Variants in WNT7B observed in about 807,000 individuals in gnomAD.
The protein encoded by WNT7B is protein Wnt-7b.
A neutral mutation model predicts 38.2 loss-of-function variants in WNT7B; 19 were observed. The observed-to-expected ratio is 0.50, with a 90% CI of 0.35 to 0.73. The LOEUF (loss-of-function observed/expected upper bound fraction) is 0.73, where lower values mean the gene tolerates loss of function less well. WNT7B is among the 30% of genes least tolerant of loss of function. The pLI, the probability that WNT7B is intolerant of heterozygous loss-of-function variation, is 0.01. For synonymous variants in WNT7B, 243 were observed against 209.3 expected (o/e 1.16, Z -1.39); for missense variants, 423 against 507.9 (o/e 0.83, Z 1.61).
chr22:45,971,825 C>T (rs1267944502), intron 1 of WNT7B, among the ~76,000 whole-genome samples: 1 of 152,210 alleles, frequency 6.6e-6, no homozygotes, highest in African/African-American at 2.4e-5. Flanking sequence ...TGCTGGGACG[C>T]GCAGGGAATC....
At chr22:45,941,056 G>C (rs1355608669) in intron 2 of WNT7B, among the ~76,000 whole-genome samples, 1 of 152,142 alleles carries the variant, frequency 6.6e-6, no homozygotes, top group Non-Finnish European at 1.5e-5. Flanking sequence ...CATTGAAAGG[G>C]ACCCTCCACC....
At chr22:45,957,282 A>C (rs563993221) in intron 1 of WNT7B, among the ~76,000 whole-genome samples, 1 of 152,142 alleles carries the variant, frequency 6.6e-6, no homozygotes, top group African/African-American at 2.4e-5. Context: ...TGTGCTTTAC[A>C]TAAGTTATAT....
In WNT7B at chr22:45,977,033, G is replaced by C. The variant is rs1189249076; in HGVS notation, c.-279C>G. 8 of 984,766 alleles carry C rather than the reference G, an allele frequency of 8.1e-6. No individual in the cohort carries two copies. The East Asian group carries it at 9.1e-4, about 112-fold the overall frequency. The allele number at this position is 984,766 out of a possible 1,614,324, so 61.0% of individuals were successfully genotyped here. A position where few individuals can be genotyped will look rare whatever the true frequency, so the allele number is the denominator to read the frequency against. Reference sequence around the variant, plus strand: ...CGACCGTGGACCCCTGCAAGCGCGGGCCGGGGGCCCGGGCGCGGCTGGCGG... The same window carrying C: ...CGACCGTGGACCCCTGCAAGCGCGGCCCGGGGGCCCGGGCGCGGCTGGCGG... On this transcript the variant is annotated 5_prime_UTR_variant, in exon 1 of 4. Coordinates refer to ENST00000339464, the MANE Select transcript of WNT7B (RefSeq NM_058238.3).
chr22:45,939,435 C>T (rs1167264049), intron 2 of WNT7B, among the ~76,000 whole-genome samples: 13 of 152,174 alleles, frequency 8.5e-5, no homozygotes, highest in East Asian at 3.8e-4. Flanking sequence ...TCTATCCATA[C>T]GGCAGAATAT....
chr22:45,927,500 T>C, intron 3 of WNT7B: 1 of 1,548,608 alleles, frequency 6.5e-7, no homozygotes, highest in Non-Finnish European at 8.7e-7. Flanking sequence ...GTGACTTTAT[T>C]TGGAAGTAGG....
chr22:45,928,925 T>G (rs1931191768), intron 3 of WNT7B, among the ~76,000 whole-genome samples: 1 of 152,106 alleles, frequency 6.6e-6, no homozygotes, highest in Admixed American at 6.5e-5. Flanking sequence ...CTGCCTGGAG[T>G]GCTCTTGCCC....
intron 1 of WNT7B, among the ~76,000 whole-genome samples, chr22:45,973,576 C>T (rs976467322): frequency 1.3e-5 from 2 of 152,226 alleles, no homozygotes; most frequent in Non-Finnish European, 2.9e-5. Context: ...ACTGCAGCGA[C>T]TCCAGTTCCA....
chr22:45,929,902 ATCTACCCATC>A (rs1463117110), intron 3 of WNT7B, among the ~76,000 whole-genome samples: 55 of 122,652 alleles, frequency 4.5e-4, no homozygotes, highest in African/African-American at 1.7e-3. Context: ...CCACTCATCT[ATCTACCCATC>A]CATCTATCCT....
chr22:45,976,670 C>T lies in WNT7B; in HGVS notation c.71+14G>A, dbSNP rs1005115831. ...TTGGCCCCTGGCTGCTGCCCTCGCC[C>T]ACGGGGTACTCACCCGAGCTTCACG... On this transcript the variant is annotated intron_variant, in intron 1 of 3. Coordinates refer to ENST00000339464, the MANE Select transcript of WNT7B (RefSeq NM_058238.3). The surrounding 1 kb of genome is among the most constrained non-coding windows in gnomAD (Gnocchi z 8.5). 6.2e-7 allele frequency: 1 copy of T among 1,605,620 alleles called. No individual in the cohort carries two copies. The highest frequency in any genetic ancestry group is 1.1e-5 in the South Asian group (1 of 90,360).
chr22:45,954,822 A>G (rs1932023074), intron 1 of WNT7B: 1 of 908,814 alleles, frequency 1.1e-6, no homozygotes, highest in Non-Finnish European at 1.3e-6. Flanking sequence ...GGCCGTTGGG[A>G]CCTCAGACCT....
chr22:45,958,994 G>A (rs1000727581), intron 1 of WNT7B, among the ~76,000 whole-genome samples: 11 of 152,180 alleles, frequency 7.2e-5, no homozygotes, highest in African/African-American at 1.4e-4. Flanking sequence ...GAACAGGTCC[G>A]AGCCCCCATA....
At chr22:45,955,216 C>T (rs1569121200) in intron 1 of WNT7B, among the ~76,000 whole-genome samples, 1 of 152,368 alleles carries the variant, frequency 6.6e-6, no homozygotes, top group East Asian at 1.9e-4. Flanking sequence ...CCTCCCCGAG[C>T]CGGCCTGGCC....
rs564011380 is a variant in WNT7B at position 45,926,285 on chromosome 22, C to G, written c.571-2950G>C. On this transcript the variant is annotated intron_variant, in intron 3 of 3. Transcript: ENST00000339464. ...ACCGGCCCCCTGCCCCAAGAGACCA[C>G]CTGGCAGGGCACAGAGTGAGCTCAT... is the stretch of plus-strand genomic sequence containing the variant. 1.2e-4 allele frequency: 118 copies of G among 985,414 alleles called. No individual in the cohort carries two copies. In the African/African-American group the frequency reaches 1.7e-3, roughly 15 times the overall value. 61.0% of individuals were successfully genotyped at this position (985,414 alleles called of 1,614,324 possible). A position where few individuals can be genotyped will look rare whatever the true frequency, so the allele number is the denominator to read the frequency against.
rs1679729193 is a variant in WNT7B at position 45,975,334 on chromosome 22, GC to G, written c.71+1349del. ...GAGCAGCCTGCCCACTCCACCCCCCGCCCAGCAGGCTCAATGCCCCGCACCC... is the reference window on the plus strand; with the variant it reads ...GAGCAGCCTGCCCACTCCACCCCCCGCCAGCAGGCTCAATGCCCCGCACCC... On this transcript the variant is annotated intron_variant, in intron 1 of 3. Transcript: ENST00000339464. The surrounding 1 kb of genome is among the most constrained non-coding windows in gnomAD (Gnocchi z 6.6). Among the ~76,000 whole-genome samples the G allele has an allele frequency of 6.6e-6, 1 of 151,960 alleles. No individual in the cohort carries two copies. The highest frequency in any genetic ancestry group is 1.5e-5 in the Non-Finnish European group (1 of 67,954).
At chr22:45,969,740 A>G (rs1601743345) in intron 1 of WNT7B, among the ~76,000 whole-genome samples, 2 of 152,346 alleles carry the variant, frequency 1.3e-5, no homozygotes, top group East Asian at 3.9e-4. Flanking sequence ...AGTCCAGATG[A>G]AAGGGGGAGG....
rs748054503 is a variant in WNT7B at position 45,950,017 on chromosome 22, C to T, written c.201G>A (p.Gln67=). The T allele has an allele frequency of 3.0e-5, 49 of 1,614,030 alleles. No individual in the cohort carries two copies. In the East Asian group the frequency reaches 1.0e-3, roughly 34 times the overall value. The part of the protein sequence containing the change: ...DAIIVIGEGA[Q]MGINECQYQF... ...GGTACTGGCACTCGTTGATGCCCAT[C>T]TGCGCCCCCTCCCCAATCACAATGA... The change falls in exon 2 of 4, where the codon CAG becomes CAA. Residue 67 remains glutamine, a synonymous_variant. Coordinates refer to ENST00000339464, the MANE Select transcript of WNT7B (RefSeq NM_058238.3).
Position 45,975,740 on chromosome 22 carries a change from C to T in WNT7B, c.71+944G>A, listed in dbSNP as rs370124580. 7.4e-6 allele frequency: 3 copies of T among 405,090 alleles called. No homozygotes were observed. The highest frequency in any genetic ancestry group is 3.8e-5 in the East Asian group (1 of 26,578). 25.1% of individuals were successfully genotyped at this position (405,090 alleles called of 1,614,324 possible). A position where few individuals can be genotyped will look rare whatever the true frequency, so the allele number is the denominator to read the frequency against. On this transcript the variant is annotated intron_variant, in intron 1 of 3. Transcript: ENST00000339464. This position sits in a 1 kb window ranked among gnomAD's most constrained non-coding sequence, Gnocchi z 6.6. ...GGGGCAGCCGGCGGCGCACAGTAGG[C>T]GCGCAGGGCGCGGCGGGGCCCGGGT...
intron 3 of WNT7B, chr22:45,925,581 T>TCTCCCATCCTGTCCATCACCCCAG: frequency 6.1e-6 from 6 of 985,030 alleles, no homozygotes; most frequent in Non-Finnish European, 7.2e-6. Context: ...CTCCTGTCCC[T>TCTCCCATCCTGTCCATCACCCCAG]CTCCCATCCT....
chr22:45,964,181 C>T lies in WNT7B; in HGVS notation c.71+12503G>A, dbSNP rs1042196588. On this transcript the variant is annotated intron_variant, in intron 1 of 3. Coordinates refer to ENST00000339464, the MANE Select transcript of WNT7B (RefSeq NM_058238.3). ...CTGCAGACATGGAGTGACTGCAGCC[C>T]GGAGCCACTGACTCCCTATCCGGTG... Among the ~76,000 whole-genome samples, 9 of 152,138 alleles carry T rather than the reference C, an allele frequency of 5.9e-5. No homozygotes were observed. The East Asian group carries it at 7.8e-4, about 13-fold the overall frequency.
Sources: allele counts gnomAD v4.1 joint callset (sites outside exome capture counted in the v4.1 genomes callset), GRCh38; gene constraint gnomAD v4.1.1; non-coding constraint Gnocchi (gnomAD v3.1); transcripts MANE v1.5; gene names NCBI Gene and HGNC (gene_info 2026-07-23, HGNC 2026-07-21).